CAMK4: variants seen among roughly 807,000 people sequenced by gnomAD.
The protein encoded by CAMK4 is calcium/calmodulin-dependent protein kinase type IV.
Under a neutral mutation model 44.9 loss-of-function variants are expected in CAMK4, and 22 were observed. That is an observed-to-expected ratio of 0.49 (90% CI 0.35 to 0.70). CAMK4 has a LOEUF of 0.70. CAMK4 is among the 30% of genes least tolerant of loss of function. CAMK4 has a pLI of 0.01. For synonymous variants in CAMK4, 218 were observed against 215.4 expected, an observed-to-expected ratio of 1.01 and a Z score of -0.11; for missense variants, 498 against 586.8, an observed-to-expected ratio of 0.85 and a Z score of 1.56.
At position 111,488,002 on chromosome 5, in the gene CAMK4, C is replaced by G. The variant is rs145054669; in HGVS notation, c.*3536C>G. The G allele has an allele frequency of 6.6e-6, 1 of 152,188 alleles. No individual in the cohort carries two copies. The highest frequency in any genetic ancestry group is 6.5e-5 in the Admixed American group (1 of 15,280). 9.4% of individuals were successfully genotyped at this position (152,188 alleles called of 1,614,324 possible). A position where few individuals can be genotyped will look rare whatever the true frequency, so the allele number is the denominator to read the frequency against. On this transcript the variant is annotated 3_prime_UTR_variant, in exon 11 of 11. Transcript: ENST00000282356. ...TATCTACTGACCAATCCCTCTGATT[C>G]CTGATGGGCCCTGGAGTCTTGACTA...
At position 111,482,054 on chromosome 5, in the gene CAMK4, C is replaced by T. The variant is rs1409166267; in HGVS notation, c.829-731C>T. 6 of 152,106 alleles carry T rather than the reference C, an allele frequency of 3.9e-5. No homozygotes were observed. The highest frequency in any genetic ancestry group is 7.3e-5 in the Non-Finnish European group (5 of 68,042). 9.4% of individuals were successfully genotyped at this position (152,106 alleles called of 1,614,324 possible). ...ACTCCCAATAGTCTCTGCCTCATAT[C>T]AGGTCACCCCTACTAAGCCCAGGAC... On this transcript the variant is annotated intron_variant, in intron 9 of 10. Transcript: ENST00000282356. The surrounding 1 kb of genome is among the most constrained non-coding windows in gnomAD (Gnocchi z 4.9).
rs1400447036 is a variant in CAMK4, at chr5:111,485,547, G to A, written c.*1081G>A. The A allele has an allele frequency of 2.0e-5, 3 of 151,844 alleles. No individual in the cohort carries two copies. 9.4% of individuals were successfully genotyped at this position (151,844 alleles called of 1,614,324 possible). A position where few individuals can be genotyped will look rare whatever the true frequency, so the allele number is the denominator to read the frequency against. ...AAAGCTCTTTTTTTATCCAATTGATGGTTATCTACACATATCACTTATAAA... is the reference window on the plus strand; with the variant it reads ...AAAGCTCTTTTTTTATCCAATTGATAGTTATCTACACATATCACTTATAAA... On this transcript the variant is annotated 3_prime_UTR_variant, in exon 11 of 11. Coordinates refer to ENST00000282356, the MANE Select transcript of CAMK4 (RefSeq NM_001744.6).
At chr5:111,415,258 C>T (rs1752776027) in intron 5 of CAMK4, among the ~76,000 whole-genome samples, 1 of 152,192 alleles carries the variant, frequency 6.6e-6, no homozygotes, top group Admixed American at 6.5e-5. Flanking sequence ...GTGACTCCTC[C>T]CTCTGTCCAG....
At chr5:111,350,788 T>G (rs1467658752) in intron 2 of CAMK4, among the ~76,000 whole-genome samples, 4 of 152,132 alleles carry the variant, frequency 2.6e-5, no homozygotes, top group Non-Finnish European at 5.9e-5. Flanking sequence ...TTTATTCTCT[T>G]CTCAGTTAAT....
In CAMK4 at chr5:111,406,194, T is replaced by TTCTG. The variant is rs1554068656; in HGVS notation, c.459+11415_459+11416insGTCT. 8.0e-5 allele frequency among the ~76,000 whole-genome samples: 11 copies of TTCTG among 136,852 alleles called. No homozygotes were observed. The East Asian group carries it at 2.4e-3, about 30-fold the overall frequency. 89.8% of individuals were successfully genotyped at this position (136,852 alleles called of 152,430 possible). On this transcript the variant is annotated intron_variant, in intron 5 of 10. Coordinates refer to ENST00000282356, the MANE Select transcript of CAMK4 (RefSeq NM_001744.6). ...TCCTGTTTCCTTCTCCTAATTTATT[T>TTCTG]TCTCTCTCTCTCTCTCTCTCTCTCT...
intron 1 of CAMK4, among the ~76,000 whole-genome samples, chr5:111,303,700 A>G (rs1398201142): frequency 6.8e-6 from 1 of 147,716 alleles, no homozygotes; most frequent in Non-Finnish European, 1.5e-5. Context: ...AACTTCCCCA[A>G]TCTAGCAAGG....
At chr5:111,401,149 C>CT (rs1561464027) in intron 5 of CAMK4, among the ~76,000 whole-genome samples, 1 of 152,002 alleles carries the variant, frequency 6.6e-6, no homozygotes, top group Admixed American at 6.5e-5. Context: ...TCTTCTCTTC[C>CT]TTTTTTTGAG....
intron 5 of CAMK4, among the ~76,000 whole-genome samples, chr5:111,437,284 A>T (rs376425530): frequency 6.6e-6 from 1 of 152,276 alleles, no homozygotes; most frequent in South Asian, 2.1e-4. Flanking sequence ...TTACAAATGA[A>T]TAACAACAAA....
chr5:111,341,591 G>C (rs1276908829), intron 1 of CAMK4, among the ~76,000 whole-genome samples: 2 of 150,736 alleles, frequency 1.3e-5, no homozygotes, highest in East Asian at 1.9e-4. Flanking sequence ...AATACACCAA[G>C]AATTACATGA....
chr5:111,343,561 G>T (rs1275739206), intron 1 of CAMK4, among the ~76,000 whole-genome samples: 1 of 151,766 alleles, frequency 6.6e-6, no homozygotes, highest in Non-Finnish European at 1.5e-5. Flanking sequence ...AGTAGGAGGG[G>T]TGTCCCAGCT....
intron 7 of CAMK4, among the ~76,000 whole-genome samples, chr5:111,450,383 A>G (rs1000421494): frequency 2.6e-5 from 4 of 151,754 alleles, no homozygotes; most frequent in South Asian, 2.1e-4. Context: ...ATTTCAATTC[A>G]TCTCTTCAGT....
chr5:111,310,725 C>A lies in CAMK4; in HGVS notation c.162-33299C>A, dbSNP rs528770496. Among the ~76,000 whole-genome samples the A allele has an allele frequency of 2.6e-5, 4 of 152,272 alleles. No individual in the cohort carries two copies. In the South Asian group the frequency reaches 8.3e-4, roughly 32 times the overall value. On this transcript the variant is annotated intron_variant, in intron 1 of 10. Coordinates refer to ENST00000282356, the MANE Select transcript of CAMK4 (RefSeq NM_001744.6). ...CTAAGGGTATGTTCTGAGCGATTCCCTTAAGGAAACTTCTACTGAATTATA... is the reference window on the plus strand; with the variant it reads ...CTAAGGGTATGTTCTGAGCGATTCCATTAAGGAAACTTCTACTGAATTATA...
intron 1 of CAMK4, among the ~76,000 whole-genome samples, chr5:111,272,853 G>T (rs75023666): frequency 1.3e-5 from 2 of 152,038 alleles, no homozygotes; most frequent in Admixed American, 6.6e-5. Context: ...AAATGAATTT[G>T]CTAGGACTAT....
intron 7 of CAMK4, among the ~76,000 whole-genome samples, chr5:111,463,754 A>G (rs183994422): frequency 1.1e-3 from 173 of 152,328 alleles, no homozygotes; most frequent in Middle Eastern, 3.4e-3. Flanking sequence ...CAAGCACTGC[A>G]GTTTGCCTTT....
chr5:111,405,164 G>C (rs1239306983), intron 5 of CAMK4, among the ~76,000 whole-genome samples: 2 of 152,142 alleles, frequency 1.3e-5, no homozygotes, highest in African/African-American at 4.8e-5. Flanking sequence ...AGTTGTATCT[G>C]AATTGGAGTT....
intron 1 of CAMK4, among the ~76,000 whole-genome samples, chr5:111,326,235 A>T (rs575233905): frequency 6.6e-6 from 1 of 151,956 alleles, no homozygotes; most frequent in South Asian, 2.1e-4. Flanking sequence ...AAAACAAGCA[A>T]AAAAATGAAG....
chr5:111,420,792 G>A (rs369319724), intron 5 of CAMK4, among the ~76,000 whole-genome samples: 2 of 152,188 alleles, frequency 1.3e-5, no homozygotes, highest in Non-Finnish European at 2.9e-5. Flanking sequence ...CCAGCTCACC[G>A]GCGGTCAGAG....
At chr5:111,240,169 A>T (rs1748922663) in intron 1 of CAMK4, among the ~76,000 whole-genome samples, 1 of 152,104 alleles carries the variant, frequency 6.6e-6, no homozygotes, top group Non-Finnish European at 1.5e-5. Flanking sequence ...TATTTACACT[A>T]ACTTTACCTC....
At chr5:111,365,696 T>C (rs1172365547) in intron 2 of CAMK4, among the ~76,000 whole-genome samples, 1 of 152,028 alleles carries the variant, frequency 6.6e-6, no homozygotes, top group African/African-American at 2.4e-5. Flanking sequence ...GGTCTTGGGG[T>C]ACATTTCTTC....
Sources: allele counts gnomAD v4.1 joint callset (sites outside exome capture counted in the v4.1 genomes callset), GRCh38; gene constraint gnomAD v4.1.1; non-coding constraint Gnocchi (gnomAD v3.1); transcripts MANE v1.5; gene names NCBI Gene and HGNC (gene_info 2026-07-23, HGNC 2026-07-21).